The following RPS6KA2 variants were observed in gnomAD, a reference collection of about 807,000 sequenced individuals.
RPS6KA2 encodes ribosomal protein S6 kinase alpha-2.
RPS6KA2 carries 42 observed loss-of-function variants against 91.8 expected under a neutral mutation model. The observed-to-expected ratio is 0.46, with a 90% CI of 0.36 to 0.59. RPS6KA2 has a LOEUF of 0.59. RPS6KA2 is among the 20% of genes least tolerant of loss of function. The pLI is 0.00. For synonymous variants in RPS6KA2, 414 were observed against 393.6 expected (o/e 1.05, Z -0.61); for missense variants, 798 against 978.5 (o/e 0.82, Z 2.46).
intron 12 of RPS6KA2, among the ~76,000 whole-genome samples, chr6:166,456,794 A>C (rs1284605606): frequency 1.3e-5 from 2 of 152,224 alleles, no homozygotes; most frequent in Non-Finnish European, 2.9e-5. Context: ...ATTACTACCT[A>C]CCTCAAAGGC....
Position 166,430,460 on chromosome 6 carries a change from G to A in RPS6KA2, c.1574C>T (p.Ser525Phe). Residue 525 changes from serine (S) to phenylalanine (F), a missense_variant, in exon 16 of 21, where the codon TCC (serine) becomes TTC (phenylalanine). Transcript: ENST00000265678. ...CCCAGGCATGGCTCCTACCCCCTGG[G>A]AATGGAGGTAGTCCATGGTCTTGGT... Reference protein sequence around the residue: ...TITKTMDYLHSQGVVHRDLKP... With the variant: ...TITKTMDYLHFQGVVHRDLKP... 1 of 1,611,464 alleles carries A rather than the reference G, an allele frequency of 6.2e-7. No homozygotes were observed. The highest frequency in any genetic ancestry group is 8.5e-7 in the Non-Finnish European group (1 of 1,178,418).
intron 2 of RPS6KA2, among the ~76,000 whole-genome samples, chr6:166,843,216 C>T (rs530385636): frequency 6.6e-6 from 1 of 152,320 alleles, no homozygotes; most frequent in South Asian, 2.1e-4. Context: ...ACAGCAGCCA[C>T]ACCAAACCCT....
intron 2 of RPS6KA2, among the ~76,000 whole-genome samples, chr6:166,745,845 G>C (rs994298871): frequency 6.6e-6 from 1 of 152,182 alleles, no homozygotes; most frequent in Non-Finnish European, 1.5e-5. Context: ...GAAATGTGGA[G>C]GTTAGAATCC....
At chr6:166,502,072 AC>A (rs1211342727) in intron 6 of RPS6KA2, among the ~76,000 whole-genome samples, 4 of 152,212 alleles carry the variant, frequency 2.6e-5, no homozygotes, top group South Asian at 2.1e-4. Flanking sequence ...CTGGGGAGCT[AC>A]TGTGCAGGGG....
chr6:166,593,322 G>A (rs973802996), intron 1 of RPS6KA2, among the ~76,000 whole-genome samples: 3 of 152,184 alleles, frequency 2.0e-5, no homozygotes, highest in African/African-American at 7.2e-5. Context: ...GAATGGAATA[G>A]AATAAAACAG....
intron 2 of RPS6KA2, among the ~76,000 whole-genome samples, chr6:166,774,817 A>G (rs1051726728): frequency 6.6e-6 from 1 of 150,494 alleles, no homozygotes; most frequent in Non-Finnish European, 1.5e-5. Flanking sequence ...AAGGACCCCA[A>G]AACATCTCGC....
chr6:166,538,604 G>C (rs990749691), intron 2 of RPS6KA2, 64 bp downstream of exon 2: 66 of 899,900 alleles, frequency 7.3e-5, no homozygotes, highest in Admixed American at 1.2e-4. Context: ...ATCCAGGGGG[G>C]CTCTGTCCAG....
rs375702819 is a variant in RPS6KA2, at chr6:166,748,233, C to A, written c.123+109967G>T. Among the ~76,000 whole-genome samples, 54 of 152,212 alleles carry A rather than the reference C, an allele frequency of 3.5e-4. 1 individual carries two copies. In the South Asian group the frequency reaches 7.3e-3, roughly 20 times the overall value. ...GTGGCACGTGCTGTCTTCAGGAGGG[C>A]GGGATGAGGGCAGCCCGGGAGGGAG... is the stretch of plus-strand genomic sequence containing the variant. On this transcript the variant is annotated intron_variant, in intron 2 of 21. Coordinates refer to the RPS6KA2 transcript ENST00000503859.
rs1445407281 is a variant in RPS6KA2, at chr6:166,579,046, T to C, written c.100-40262A>G. On this transcript the variant is annotated intron_variant, in intron 1 of 20. Transcript: ENST00000265678. ...ACAGTAAGTCTGATGTCGAGCAGCA[T>C]GGAAAACGGAGGATCAGTGGATCAT... Among the ~76,000 whole-genome samples the C allele has an allele frequency of 2.6e-5, 4 of 152,066 alleles. No homozygotes were observed. In the East Asian group the frequency reaches 7.7e-4, roughly 29 times the overall value.
intron 1 of RPS6KA2, among the ~76,000 whole-genome samples, chr6:166,599,113 A>G (rs3799589): frequency 6.6e-6 from 1 of 152,206 alleles, no homozygotes; most frequent in Non-Finnish European, 1.5e-5. Context: ...TATGTAAACA[A>G]CCACTCTTGA....
intron 3 of RPS6KA2, among the ~76,000 whole-genome samples, chr6:166,521,887 G>T (rs1056527971): frequency 6.6e-6 from 1 of 152,322 alleles, no homozygotes; most frequent in Admixed American, 6.5e-5. Flanking sequence ...ATGGTTTTAG[G>T]TGGGGCCTCC....
intron 3 of RPS6KA2, among the ~76,000 whole-genome samples, chr6:166,514,523 C>T (rs3799667): frequency 6.6e-6 from 1 of 152,222 alleles, no homozygotes; most frequent in East Asian, 1.9e-4. Context: ...AGCTGGGGTA[C>T]CCTCAGGGAT....
rs546534079 is a variant in RPS6KA2 at position 166,568,312 on chromosome 6, G to T, written c.100-29528C>A. Among the ~76,000 whole-genome samples the T allele has an allele frequency of 1.8e-3, 271 of 152,210 alleles. 1 individual carries two copies. Among genetic ancestry groups the T allele is most frequent in the African/African-American group, 6.3e-3 (260 of 41,544 alleles). ...CAGAGGACTGCATTAAAAGAAAATT[G>T]AATCCAAAATCTATTACTTGGCCAG... is the stretch of plus-strand genomic sequence containing the variant. On this transcript the variant is annotated intron_variant, in intron 1 of 20. Coordinates refer to ENST00000265678, the MANE Select transcript of RPS6KA2 (RefSeq NM_021135.6).
intron 2 of RPS6KA2, among the ~76,000 whole-genome samples, chr6:166,819,454 G>T (rs564305470): frequency 6.6e-6 from 1 of 152,022 alleles, no homozygotes. Flanking sequence ...CCCCACAGTC[G>T]CTCCTGTAGG....
chr6:166,605,662 G>A (rs1785928172), intron 1 of RPS6KA2, among the ~76,000 whole-genome samples: 1 of 152,188 alleles, frequency 6.6e-6, no homozygotes, highest in South Asian at 2.1e-4. Flanking sequence ...AGGGCCACGT[G>A]AGGTGGCATT....
chr6:166,449,684 C>T (rs563184364), intron 13 of RPS6KA2, among the ~76,000 whole-genome samples: 2 of 152,300 alleles, frequency 1.3e-5, no homozygotes, highest in African/African-American at 4.8e-5. Flanking sequence ...TGACATTCTT[C>T]CCAGGGCTTT....
chr6:166,670,258 G>A (rs1788434721), intron 2 of RPS6KA2, among the ~76,000 whole-genome samples: 1 of 152,212 alleles, frequency 6.6e-6, no homozygotes, highest in Non-Finnish European at 1.5e-5. Flanking sequence ...CTGGTGAGAG[G>A]TCCATGTGGT....
rs190975436 is a variant in RPS6KA2, at chr6:166,545,052, G to C, written c.100-6268C>G. Among the ~76,000 whole-genome samples the C allele has an allele frequency of 1.4e-3, 215 of 152,304 alleles. 1 individual carries two copies. The highest frequency in any genetic ancestry group is 4.9e-3 in the African/African-American group (205 of 41,566). On this transcript the variant is annotated intron_variant, in intron 1 of 20. Coordinates refer to ENST00000265678, the MANE Select transcript of RPS6KA2 (RefSeq NM_021135.6). ...GGAAGGGAAGCAGGAGAAGGAAAGAGAAAGGAAAATACCGGGTGCCATGTC... is the reference window on the plus strand; with the variant it reads ...GGAAGGGAAGCAGGAGAAGGAAAGACAAAGGAAAATACCGGGTGCCATGTC...
intron 1 of RPS6KA2, among the ~76,000 whole-genome samples, chr6:166,594,698 G>A (rs62440503): frequency 2.0e-5 from 3 of 152,252 alleles, no homozygotes; most frequent in Non-Finnish European, 2.9e-5. Flanking sequence ...TCCTGACCTC[G>A]TGATCCGCCC....
Sources: gnomAD v4.1 joint callset for allele counts (sites outside exome capture counted in the v4.1 genomes callset) on GRCh38, gnomAD v4.1.1 for gene constraint, MANE v1.5 for transcripts, NCBI Gene and HGNC (gene_info 2026-07-23, HGNC 2026-07-21) for gene names.